Variants in RBFOX1 observed in about 807,000 individuals in gnomAD.
The protein encoded by RBFOX1 is RNA binding fox-1 homolog 1.
A neutral mutation model predicts 57.7 loss-of-function variants in RBFOX1; 8 were observed. The observed-to-expected ratio is 0.14, with a 90% CI of 0.08 to 0.25. The LOEUF (loss-of-function observed/expected upper bound fraction) is 0.25, where lower values mean the gene tolerates loss of function less well. RBFOX1 is among the 10% of genes least tolerant of loss of function. RBFOX1 has a pLI of 1.00. For synonymous variants in RBFOX1, 326 were observed against 222.4 expected, an observed-to-expected ratio of 1.47 and a Z score of -4.15; for missense variants, 611 against 548.5, an observed-to-expected ratio of 1.11 and a Z score of -1.14.
At chr16:7,028,749 G>A (rs1819318891) in intron 3 of RBFOX1, among the ~76,000 whole-genome samples, 1 of 151,626 alleles carries the variant, frequency 6.6e-6, no homozygotes, top group Admixed American at 6.6e-5. Flanking sequence ...AATGTAATAG[G>A]GACGTGGAGG....
At chr16:5,383,198 G>A (rs916242900) in intron 1 of RBFOX1, among the ~76,000 whole-genome samples, 1 of 152,196 alleles carries the variant, frequency 6.6e-6, no homozygotes, top group Non-Finnish European at 1.5e-5. Flanking sequence ...CTTACTGGTG[G>A]GGAAACAGGA....
intron 2 of RBFOX1, among the ~76,000 whole-genome samples, chr16:6,470,560 G>T (rs1177497065): frequency 2.6e-5 from 4 of 152,138 alleles, no homozygotes; most frequent in African/African-American, 9.7e-5. Context: ...TTGGCCTTTA[G>T]CCACTCCTCC....
At chr16:5,534,158 C>A (rs577306882) in intron 2 of RBFOX1, among the ~76,000 whole-genome samples, 1 of 152,018 alleles carries the variant, frequency 6.6e-6, no homozygotes, top group Admixed American at 6.5e-5. Flanking sequence ...CCTAGGGTGT[C>A]ATAGGTGCAA....
intron 14 of RBFOX1, 63 bp from the exon 15 acceptor site, chr16:7,708,991 TTA>T (rs1179105861): frequency 9.4e-6 from 14 of 1,484,778 alleles, no homozygotes; most frequent in Non-Finnish European, 1.1e-5. Context: ...ATTTTGGATT[TTA>T]TGATTGTTAT....
intron 11 of RBFOX1, among the ~76,000 whole-genome samples, chr16:7,635,822 A>AG (rs2061663928): frequency 6.6e-6 from 1 of 151,430 alleles, no homozygotes; most frequent in Middle Eastern, 3.2e-3. Context: ...TTATTTTTTT[A>AG]TTTTTTGAGA....
intron 2 of RBFOX1, among the ~76,000 whole-genome samples, chr16:6,527,604 G>T (rs1002688440): frequency 6.6e-6 from 1 of 152,066 alleles, no homozygotes; most frequent in Non-Finnish European, 1.5e-5. Flanking sequence ...GTAATTGCAT[G>T]CACCTGCAAT....
chr16:5,586,004 C>T (rs2046817495), intron 2 of RBFOX1, among the ~76,000 whole-genome samples: 1 of 152,120 alleles, frequency 6.6e-6, no homozygotes. Flanking sequence ...GATTATCTTC[C>T]CCTAAATCCA....
At chr16:5,386,507 A>T (rs933128663) in intron 1 of RBFOX1, among the ~76,000 whole-genome samples, 3 of 152,038 alleles carry the variant, frequency 2.0e-5, no homozygotes, top group African/African-American at 7.2e-5. Context: ...TTCCCCCCGT[A>T]AATCACCTCT....
chr16:5,429,295 C>G lies in RBFOX1; in HGVS notation c.220-37921C>G, dbSNP rs550253671. Among the ~76,000 whole-genome samples, 14 of 152,316 alleles carry G rather than the reference C, an allele frequency of 9.2e-5. 1 individual carries two copies. The highest frequency in any genetic ancestry group is 3.4e-4 in the African/African-American group (14 of 41,576). ...CTGGGACTGCTGGCCCTCTGAGAGT[C>G]CAGGCCTTTGCGGTTTGGGTTCATA... On this transcript the variant is annotated intron_variant, in intron 1 of 2. Coordinates refer to the RBFOX1 transcript ENST00000585867.
At chr16:6,742,930 G>T (rs28870527) in intron 3 of RBFOX1, among the ~76,000 whole-genome samples, 30 of 152,062 alleles carry the variant, frequency 2.0e-4, no homozygotes, top group African/African-American at 7.0e-4. Flanking sequence ...ATCTATACGT[G>T]TAATAAAAGG....
At chr16:5,922,443 C>A (rs548407737) in intron 4 of RBFOX1, among the ~76,000 whole-genome samples, 3 of 152,270 alleles carry the variant, frequency 2.0e-5, no homozygotes, top group South Asian at 4.1e-4. Flanking sequence ...CCCTTGTTCA[C>A]CCCCTTGTCT....
At chr16:5,824,818 C>T (rs976874419) in intron 3 of RBFOX1, among the ~76,000 whole-genome samples, 2 of 152,112 alleles carry the variant, frequency 1.3e-5, no homozygotes, top group African/African-American at 4.8e-5. Flanking sequence ...AGAAGGGAAC[C>T]CTGAGGCCTA....
intron 4 of RBFOX1, among the ~76,000 whole-genome samples, chr16:7,258,052 T>C (rs1255400032): frequency 6.6e-6 from 1 of 152,220 alleles, no homozygotes; most frequent in Non-Finnish European, 1.5e-5. Flanking sequence ...TAGGCATTGA[T>C]CACTGTGCTG....
chr16:5,389,096 C>T (rs1217978884), intron 1 of RBFOX1, among the ~76,000 whole-genome samples: 1 of 151,608 alleles, frequency 6.6e-6, no homozygotes, highest in Admixed American at 6.6e-5. Flanking sequence ...GAGGCTGAGG[C>T]AGGAGAATGG....
At chr16:7,162,776 A>C (rs1427057666) in intron 4 of RBFOX1, among the ~76,000 whole-genome samples, 2 of 152,170 alleles carry the variant, frequency 1.3e-5, no homozygotes, top group East Asian at 1.9e-4. Context: ...ATACAAGGCA[A>C]ATTGAAAACA....
At chr16:7,094,963 A>G (rs890962118) in intron 4 of RBFOX1, among the ~76,000 whole-genome samples, 11 of 152,176 alleles carry the variant, frequency 7.2e-5, no homozygotes, top group African/African-American at 2.2e-4. Flanking sequence ...TATTGTAAAC[A>G]TCAGTGTAAA....
chr16:7,626,797 G>C (rs745585011), intron 10 of RBFOX1, among the ~76,000 whole-genome samples: 1 of 152,210 alleles, frequency 6.6e-6, no homozygotes, highest in East Asian at 1.9e-4. Context: ...TTTTAGCAAA[G>C]AGGGTAGAAG....
chr16:7,123,165 A>T (rs1409326830), intron 4 of RBFOX1, among the ~76,000 whole-genome samples: 1 of 152,140 alleles, frequency 6.6e-6, no homozygotes, highest in Non-Finnish European at 1.5e-5. Flanking sequence ...CATTTATGAA[A>T]TTGTACATCC....
chr16:6,124,101 C>T (rs1305540009), intron 1 of RBFOX1, among the ~76,000 whole-genome samples: 1 of 152,156 alleles, frequency 6.6e-6, no homozygotes, highest in Admixed American at 6.5e-5. Flanking sequence ...GGCTGGAACT[C>T]ACCCTTCTGG....
Sources: gnomAD v4.1 joint callset for allele counts (sites outside exome capture counted in the v4.1 genomes callset) on GRCh38, gnomAD v4.1.1 for gene constraint, MANE v1.5 for transcripts, NCBI Gene and HGNC (gene_info 2026-07-23, HGNC 2026-07-21) for gene names.